The following EFNA5 variants were observed in gnomAD, a reference collection of about 807,000 sequenced individuals.
EFNA5 encodes ephrin A5.
EFNA5 carries 5 observed loss-of-function variants against 22.9 expected under a neutral mutation model. The ratio of observed to expected loss-of-function variants is 0.22; its 90% CI spans 0.11 to 0.46. The LOEUF (loss-of-function observed/expected upper bound fraction) is 0.46, where lower values mean the gene tolerates loss of function less well. Among genes scored for constraint, EFNA5 ranks in the 20% least tolerant of loss-of-function variants. The pLI is 0.99. For missense variants in EFNA5, 237 were observed against 293.3 expected (o/e 0.81, Z 1.40); for synonymous variants, 113 against 112.2 (o/e 1.01, Z -0.04).
intron 2 of EFNA5, among the ~76,000 whole-genome samples, chr5:107,393,874 C>T (rs559287684): frequency 7.9e-5 from 12 of 152,144 alleles, no homozygotes; most frequent in African/African-American, 2.9e-4. Flanking sequence ...CAATAAAATC[C>T]AGTTTGTGTA....
intron 1 of EFNA5, among the ~76,000 whole-genome samples, chr5:107,478,484 A>C (rs781368793): frequency 9.2e-5 from 14 of 152,214 alleles, no homozygotes; most frequent in Non-Finnish European, 2.1e-4. Context: ...CACACACGCA[A>C]ACACACAGTG....
chr5:107,460,278 A>G (rs1293375548), intron 1 of EFNA5, among the ~76,000 whole-genome samples: 2 of 152,186 alleles, frequency 1.3e-5, no homozygotes. Context: ...AAGACACTAA[A>G]AATGAATTTA....
chr5:107,659,427 T>C (rs2112559006), intron 1 of EFNA5, among the ~76,000 whole-genome samples: 1 of 151,884 alleles, frequency 6.6e-6, no homozygotes, highest in South Asian at 2.1e-4. Context: ...TGTTATTCAA[T>C]AGCTTTAAGG....
intron 4 of EFNA5, among the ~76,000 whole-genome samples, chr5:107,381,985 G>C (rs1020781072): frequency 6.6e-6 from 1 of 152,128 alleles, no homozygotes; most frequent in Non-Finnish European, 1.5e-5. Context: ...CCTGCAATTA[G>C]GTGTCAATTA....
At chr5:107,549,509 T>C (rs752883796) in intron 1 of EFNA5, among the ~76,000 whole-genome samples, 2 of 152,242 alleles carry the variant, frequency 1.3e-5, no homozygotes, top group Non-Finnish European at 2.9e-5. Flanking sequence ...GAGAGAAGTA[T>C]CCAGTCCCTA....
chr5:107,539,332 A>G (rs1747995697), intron 1 of EFNA5, among the ~76,000 whole-genome samples: 2 of 152,204 alleles, frequency 1.3e-5, no homozygotes, highest in Non-Finnish European at 2.9e-5. Flanking sequence ...GGAAAGAGAG[A>G]GCAATGGAAA....
intron 1 of EFNA5, among the ~76,000 whole-genome samples, chr5:107,635,325 T>C (rs904073482): frequency 2.0e-5 from 3 of 152,246 alleles, no homozygotes; most frequent in Non-Finnish European, 4.4e-5. Context: ...AAGTTAAATG[T>C]ATATTCTTGT....
intron 1 of EFNA5, among the ~76,000 whole-genome samples, chr5:107,433,618 G>A (rs1247933625): frequency 6.6e-6 from 1 of 152,192 alleles, no homozygotes; most frequent in Non-Finnish European, 1.5e-5. Context: ...CTCCCTTGCT[G>A]AGCATGGTGG....
At chr5:107,463,352 T>G (rs1240225925) in intron 1 of EFNA5, among the ~76,000 whole-genome samples, 14 of 152,236 alleles carry the variant, frequency 9.2e-5, no homozygotes, top group African/African-American at 2.9e-4. Flanking sequence ...TAAATAAAGT[T>G]CACTTTCATC....
intron 1 of EFNA5, among the ~76,000 whole-genome samples, chr5:107,608,639 A>G (rs1206161929): frequency 1.3e-5 from 2 of 152,204 alleles, no homozygotes; most frequent in African/African-American, 2.4e-5. Context: ...AGATGGAGGC[A>G]CCAAGTCAAC....
intron 1 of EFNA5, among the ~76,000 whole-genome samples, chr5:107,606,663 C>G (rs2112516979): frequency 6.6e-6 from 1 of 152,082 alleles, no homozygotes; most frequent in African/African-American, 2.4e-5. Flanking sequence ...CATAATATCT[C>G]TAAAACTTCA....
chr5:107,646,551 T>C (rs1750637166), intron 1 of EFNA5, among the ~76,000 whole-genome samples: 1 of 152,172 alleles, frequency 6.6e-6, no homozygotes, highest in Non-Finnish European at 1.5e-5. Context: ...TAAAGGGTAA[T>C]ACTGATTAAA....
chr5:107,548,424 A>G (rs1349182186), intron 1 of EFNA5, among the ~76,000 whole-genome samples: 1 of 152,212 alleles, frequency 6.6e-6, no homozygotes, highest in Non-Finnish European at 1.5e-5. Context: ...TTCACATTTA[A>G]TATGATTATT....
At chr5:107,569,375 ATATATATTTTTATGTATATGTGTG>A in intron 1 of EFNA5, among the ~76,000 whole-genome samples, 1 of 146,132 alleles carries the variant, frequency 6.8e-6, no homozygotes, top group African/African-American at 2.5e-5. Flanking sequence ...GTGTATATAT[ATATATATTTTTATGTATATGTGTG>A]TATATATATA....
At chr5:107,415,915 T>C (rs1229822079) in intron 2 of EFNA5, among the ~76,000 whole-genome samples, 2 of 152,190 alleles carry the variant, frequency 1.3e-5, no homozygotes, top group Non-Finnish European at 2.9e-5. Context: ...CAAGCTGCAA[T>C]GTTGAGACAG....
chr5:107,631,349 T>C (rs573755653), intron 1 of EFNA5, among the ~76,000 whole-genome samples: 4 of 151,980 alleles, frequency 2.6e-5, no homozygotes, highest in South Asian at 2.1e-4. Flanking sequence ...TTTACACATA[T>C]ATATGAATGT....
intron 1 of EFNA5, among the ~76,000 whole-genome samples, chr5:107,580,869 T>C (rs949669442): frequency 3.3e-5 from 5 of 152,192 alleles, no homozygotes; most frequent in African/African-American, 1.2e-4. Context: ...GGTCAATTTG[T>C]TGTTCTCCAA....
chr5:107,545,645 T>C (rs1391087710), intron 1 of EFNA5, among the ~76,000 whole-genome samples: 1 of 152,156 alleles, frequency 6.6e-6, no homozygotes, highest in African/African-American at 2.4e-5. Context: ...GGAAAGCCAC[T>C]TGGAGCTCCT....
At chr5:107,556,800 A>AAATAAAATC (rs1748431435) in intron 1 of EFNA5, among the ~76,000 whole-genome samples, 1 of 151,022 alleles carries the variant, frequency 6.6e-6, no homozygotes, top group African/African-American at 2.4e-5. Flanking sequence ...AAAATAAAAT[A>AAATAAAATC]AATAACTATC....
Sources: gnomAD v4.1 joint callset for allele counts (sites outside exome capture counted in the v4.1 genomes callset) on GRCh38, gnomAD v4.1.1 for gene constraint, MANE v1.5 for transcripts, NCBI Gene and HGNC (gene_info 2026-07-23, HGNC 2026-07-21) for gene names.